PTPRN2: variants seen among roughly 807,000 people sequenced by gnomAD.
The protein encoded by PTPRN2 is receptor-type tyrosine-protein phosphatase N2.
Under a neutral mutation model 118.8 loss-of-function variants are expected in PTPRN2, and 74 were observed. The observed-to-expected ratio is 0.62, with a 90% CI of 0.52 to 0.76. PTPRN2 has a LOEUF of 0.76. PTPRN2 is among the 30% of genes least tolerant of loss of function. The probability of loss-of-function intolerance (pLI) is 0.00; values close to 1 mark genes in which losing one functional copy is unlikely to be tolerated. For synonymous variants in PTPRN2, 641 were observed against 608.0 expected, an observed-to-expected ratio of 1.05 and a Z score of -0.80; for missense variants, 1,481 against 1,394.4, an observed-to-expected ratio of 1.06 and a Z score of -0.99.
At chr7:157,876,786 G>A (rs1795791990) in intron 12 of PTPRN2, among the ~76,000 whole-genome samples, 1 of 152,216 alleles carries the variant, frequency 6.6e-6, no homozygotes, top group Non-Finnish European at 1.5e-5. Context: ...GGGAAGGTCG[G>A]GGCAGCTGCT....
At chr7:157,798,891 A>ACTC (rs1216421588) in intron 12 of PTPRN2, among the ~76,000 whole-genome samples, 3 of 151,914 alleles carry the variant, frequency 2.0e-5, no homozygotes, top group Non-Finnish European at 4.4e-5. Flanking sequence ...CATCGGCTCC[A>ACTC]CTCAGGGACT....
chr7:157,620,397 T>G (rs1403144754), intron 15 of PTPRN2, among the ~76,000 whole-genome samples: 1 of 152,206 alleles, frequency 6.6e-6, no homozygotes, highest in East Asian at 1.9e-4. Flanking sequence ...TGGCTTATAT[T>G]TCCATTTTCT....
At chr7:157,982,459 C>CT (rs1224710004) in intron 11 of PTPRN2, among the ~76,000 whole-genome samples, 8 of 129,760 alleles carry the variant, frequency 6.2e-5, no homozygotes, top group East Asian at 2.6e-4. Context: ...AGGGTCCCCC[C>CT]AAACCCTGAG....
chr7:158,439,160 C>G (rs1444293326), intron 2 of PTPRN2, among the ~76,000 whole-genome samples: 1 of 152,198 alleles, frequency 6.6e-6, no homozygotes, highest in Non-Finnish European at 1.5e-5. Flanking sequence ...GTATGTCTTA[C>G]ACATATTGAT....
chr7:157,787,860 T>C lies in PTPRN2; in HGVS notation c.1789-104923A>G, dbSNP rs59811353. 0.16 allele frequency among the ~76,000 whole-genome samples: 24,337 copies of C among 152,048 alleles called. 2,677 individuals are homozygous for C. The highest frequency in any genetic ancestry group is 0.31 in the African/African-American group (12,839 of 41,436). On this transcript the variant is annotated intron_variant, in intron 12 of 22. Transcript: ENST00000389418. The surrounding 1 kb of genome is among the most constrained non-coding windows in gnomAD (Gnocchi z 5.3). The stretch of plus-strand genomic sequence containing the variant: ...GGCTGTTCCCCTCTTGGCATCTCCC[T>C]CACACCTCTGCACCCCCAGTGGATA...
chr7:157,809,415 C>A (rs944304332), intron 12 of PTPRN2, among the ~76,000 whole-genome samples: 2 of 152,212 alleles, frequency 1.3e-5, no homozygotes, highest in African/African-American at 4.8e-5. Flanking sequence ...CGCGCCACCC[C>A]CGCCGTGTGA....
At chr7:158,027,100 G>A (rs1319262068) in intron 11 of PTPRN2, among the ~76,000 whole-genome samples, 1 of 152,172 alleles carries the variant, frequency 6.6e-6, no homozygotes, top group Non-Finnish European at 1.5e-5. Context: ...AGAACCAACA[G>A]GGCTCACCCA....
intron 2 of PTPRN2, among the ~76,000 whole-genome samples, chr7:158,478,998 G>A (rs1394540873): frequency 6.6e-6 from 1 of 152,070 alleles, no homozygotes; most frequent in Non-Finnish European, 1.5e-5. Flanking sequence ...CACATTGTTG[G>A]GGGCAGTGGC....
intron 11 of PTPRN2, among the ~76,000 whole-genome samples, chr7:157,945,791 C>T (rs1482323364): frequency 1.3e-5 from 2 of 151,822 alleles, no homozygotes; most frequent in African/African-American, 4.8e-5. Context: ...TGCCGCCTTC[C>T]CACCTCCACA....
intron 12 of PTPRN2, among the ~76,000 whole-genome samples, chr7:157,697,683 A>G (rs1237614031): frequency 6.7e-6 from 1 of 149,168 alleles, no homozygotes; most frequent in Non-Finnish European, 1.5e-5. Flanking sequence ...CTACCCATGC[A>G]TACTGGGTCT....
intron 11 of PTPRN2, among the ~76,000 whole-genome samples, chr7:158,062,236 C>T (rs765786519): frequency 1.6e-4 from 25 of 152,392 alleles, no homozygotes; most frequent in Non-Finnish European, 2.8e-4. Context: ...AGGAGACCAA[C>T]GTGTCCAACA....
intron 14 of PTPRN2, among the ~76,000 whole-genome samples, chr7:157,643,070 G>A (rs1221311584): frequency 2.0e-5 from 3 of 152,188 alleles, no homozygotes; most frequent in African/African-American, 7.2e-5. Context: ...CCTCTTTGGA[G>A]TTGAAAATAT....
chr7:158,578,742 C>A (rs1828475650), intron 1 of PTPRN2, among the ~76,000 whole-genome samples: 1 of 151,606 alleles, frequency 6.6e-6, no homozygotes, highest in African/African-American at 2.4e-5. Flanking sequence ...TCCCTTAAGT[C>A]CTACTTCTTC....
rs568224473 is a variant in PTPRN2, at chr7:158,300,510, G to A, written c.277+16309C>T. ...TGTGTGAGACATCCCATGAGGCGAC[G>A]TGGTGCGCGCACCTGCAGAGAAGAC... On this transcript the variant is annotated intron_variant, in intron 3 of 22. Coordinates refer to ENST00000389418, the MANE Select transcript of PTPRN2 (RefSeq NM_002847.5). Among the ~76,000 whole-genome samples the A allele has an allele frequency of 2.2e-3, 82 of 37,464 alleles. 1 individual carries two copies. Among genetic ancestry groups the A allele is most frequent in the Non-Finnish European group, 4.1e-3 (68 of 16,672 alleles). 24.6% of individuals were successfully genotyped at this position (37,464 alleles called of 152,430 possible). A position where few individuals can be genotyped will look rare whatever the true frequency, so the allele number is the denominator to read the frequency against.
chr7:158,116,517 G>A (rs1217361320), intron 9 of PTPRN2, among the ~76,000 whole-genome samples: 1 of 152,224 alleles, frequency 6.6e-6, no homozygotes, highest in Admixed American at 6.5e-5. Flanking sequence ...CATGTTCCTG[G>A]AGCAGCCTGC....
intron 5 of PTPRN2, among the ~76,000 whole-genome samples, chr7:158,171,232 T>TATATATACAC (rs1296759005): frequency 8.0e-6 from 1 of 125,052 alleles, no homozygotes; most frequent in African/African-American, 3.8e-5. Context: ...TATACACACA[T>TATATATACAC]ATATATACAC....
chr7:157,633,970 T>G (rs1206741048), intron 14 of PTPRN2, among the ~76,000 whole-genome samples: 1 of 152,192 alleles, frequency 6.6e-6, no homozygotes, highest in Non-Finnish European at 1.5e-5. Context: ...TCAGGACTGC[T>G]GCAGCCCACC....
intron 3 of PTPRN2, among the ~76,000 whole-genome samples, chr7:158,311,559 G>C: frequency 6.6e-6 from 1 of 152,230 alleles, no homozygotes; most frequent in Admixed American, 6.5e-5. Flanking sequence ...AACGTATTTT[G>C]TTCTGTGATG....
chr7:158,276,130 T>C (rs1305818125), intron 3 of PTPRN2, among the ~76,000 whole-genome samples: 6 of 152,066 alleles, frequency 3.9e-5, no homozygotes, highest in Non-Finnish European at 5.9e-5. Flanking sequence ...CATCTGAACC[T>C]TCCCTCCCTC....
Sources: allele counts gnomAD v4.1 joint callset (sites outside exome capture counted in the v4.1 genomes callset), GRCh38; gene constraint gnomAD v4.1.1; non-coding constraint Gnocchi (gnomAD v3.1); transcripts MANE v1.5; gene names NCBI Gene and HGNC (gene_info 2026-07-23, HGNC 2026-07-21).